The following FSCN3 variants were observed in gnomAD, a reference collection of about 807,000 sequenced individuals.
FSCN3 encodes fascin-3.
Under a neutral mutation model 53.5 loss-of-function variants are expected in FSCN3, and 43 were observed. That is an observed-to-expected ratio of 0.80 (90% CI 0.63 to 1.04). FSCN3 has a LOEUF of 1.04. FSCN3 is among the 50% of genes least tolerant of loss of function. The probability of loss-of-function intolerance (pLI) is 0.00; values close to 1 mark genes in which losing one functional copy is unlikely to be tolerated. For synonymous variants in FSCN3, 235 were observed against 246.6 expected (o/e 0.95, Z 0.44); for missense variants, 594 against 646.5 (o/e 0.92, Z 0.88).
At chr7:127,594,069 C>CGTGTGTGTGCGTGAGTGT (rs1794337857) in intron 1 of FSCN3, 72 bp downstream of exon 1, 1 of 1,436,566 alleles carries the variant, frequency 7.0e-7, no homozygotes, top group Non-Finnish European at 9.5e-7. Flanking sequence ...TGCGCGCGCG[C>CGTGTGTGTGCGTGAGTGT]GTGTGTGTGC....
chr7:127,596,261 G>A, intron 2 of FSCN3, 67 bp from the exon 3 acceptor site: 1 of 1,543,826 alleles, frequency 6.5e-7, no homozygotes. Context: ...AGAAGCCCCG[G>A]TCATAAAACA....
chr7:127,598,574 T>G lies in FSCN3; in HGVS notation c.1100T>G (p.Met367Arg). 6.2e-7 allele frequency: 1 copy of G among 1,611,538 alleles called. No individual in the cohort carries two copies. The change falls in exon 4 of 7, where the codon ATG (methionine) becomes AGG (arginine). Residue 367 changes from methionine to arginine, a missense_variant. By Grantham distance (91) the Met-to-Arg change is moderately conservative. Coordinates refer to ENST00000265825, the MANE Select transcript of FSCN3 (RefSeq NM_020369.3). ...GGCATTGCACCCAACAGCCTGCTGA[T>G]GGCCAATGTCATCCTTCCAGGTGAG... ...FLGIAPNSLL[M>R]ANVILPGPNE...
In FSCN3 at chr7:127,595,901, G is replaced by T; in HGVS notation, c.739G>T (p.Gly247Cys). The change falls in exon 2 of 7, where the codon GGC becomes TGC. Residue 247 changes from glycine to cysteine, a missense_variant. By Grantham distance (159) the Gly-to-Cys change is radical. Coordinates refer to ENST00000265825, the MANE Select transcript of FSCN3 (RefSeq NM_020369.3). ...GGGCACGCATCTGCTCTTGGGCATG[G>T]GCTGCAACCCCATGAGGGGTGAGGA... ...PQGTHLLLGMGCNPMRGEEWF... is the reference protein window; with the variant it reads ...PQGTHLLLGMCCNPMRGEEWF... The T allele has an allele frequency of 6.2e-7, 1 of 1,613,140 alleles. No individual in the cohort carries two copies. The highest frequency in any genetic ancestry group is 8.5e-7 in the Non-Finnish European group (1 of 1,179,492).
intron 3 of FSCN3, among the ~76,000 whole-genome samples, chr7:127,597,268 A>T (rs1456931483): frequency 6.6e-6 from 1 of 152,190 alleles, no homozygotes; most frequent in Non-Finnish European, 1.5e-5. Flanking sequence ...TGTATAATAG[A>T]TATGTGCTTA....
At chr7:127,596,232 A>G in intron 2 of FSCN3, 96 bp from the exon 3 acceptor site, 1 of 1,535,000 alleles carries the variant, frequency 6.5e-7, no homozygotes, top group Non-Finnish European at 8.8e-7. Context: ...AAAGTGATGA[A>G]GTTTGAGGAG....
intron 3 of FSCN3, among the ~76,000 whole-genome samples, chr7:127,597,343 A>G (rs1401031465): frequency 3.9e-5 from 6 of 152,192 alleles, no homozygotes; most frequent in African/African-American, 7.2e-5. Flanking sequence ...TCAATAACGT[A>G]TGAGGGTTCT....
Position 127,595,903 on chromosome 7 carries a change from C to G in FSCN3, c.741C>G (p.Gly247=). ...GCACGCATCTGCTCTTGGGCATGGG[C>G]TGCAACCCCATGAGGGGTGAGGAGT... is the stretch of plus-strand genomic sequence containing the variant. ...PQGTHLLLGM[G]CNPMRGEEWF... is the part of the protein sequence containing the mutation. Residue 247 remains glycine, a synonymous_variant, in exon 2 of 7, where the codon GGC becomes GGG. Coordinates refer to ENST00000265825, the MANE Select transcript of FSCN3 (RefSeq NM_020369.3). The G allele has an allele frequency of 6.2e-7, 1 of 1,612,980 alleles. No individual in the cohort carries two copies. Among genetic ancestry groups the G allele is most frequent in the Non-Finnish European group, 8.5e-7 (1 of 1,179,380 alleles).
In FSCN3 at chr7:127,595,571, A is replaced by AC. The variant is rs750024016; in HGVS notation, c.415dup (p.Arg139ProfsTer22). 4 of 1,613,148 alleles carry AC rather than the reference A, an allele frequency of 2.5e-6. No individual in the cohort carries two copies. Among genetic ancestry groups the AC allele is most frequent in the South Asian group, 1.1e-5 (1 of 91,026 alleles). ...CGTCCTCTCAGCTTACCACATGTGG[A>AC]CCCCCCGACCAGCCCTCCATGTCCA... is the stretch of plus-strand genomic sequence containing the variant. On this transcript the variant is annotated frameshift_variant, in exon 2 of 7. Coordinates refer to ENST00000265825, the MANE Select transcript of FSCN3 (RefSeq NM_020369.3). LOFTEE classifies it high-confidence loss of function.
chr7:127,598,396 G>A, intron 3 of FSCN3, 39 bp from the exon 4 acceptor site: 1 of 1,591,928 alleles, frequency 6.3e-7, no homozygotes, highest in Non-Finnish European at 8.6e-7. Context: ...GAGATTGTCA[G>A]TCCTTACTCC....
intron 5 of FSCN3, 86 bp from the exon 6 acceptor site, chr7:127,600,108 C>A: frequency 1.3e-6 from 1 of 752,038 alleles, no homozygotes; most frequent in Non-Finnish European, 2.4e-6. Flanking sequence ...GGGAGGGTGG[C>A]ATGCCTCCAC....
Position 127,593,768 on chromosome 7 carries a change from C to T in FSCN3, c.-86C>T, listed in dbSNP as rs1794330609. On this transcript the variant is annotated 5_prime_UTR_variant, in exon 1 of 7. Transcript: ENST00000265825. ...GGAACATCTGGTGGGTACTACAGGCCCTATTCCAGGCCCTATGGCCTGTGG... is the reference window on the plus strand; with the variant it reads ...GGAACATCTGGTGGGTACTACAGGCTCTATTCCAGGCCCTATGGCCTGTGG... The T allele has an allele frequency of 5.5e-6, 8 of 1,457,132 alleles. No homozygotes were observed. In the South Asian group the frequency reaches 1.0e-4, roughly 19 times the overall value. 90.3% of individuals were successfully genotyped at this position (1,457,132 alleles called of 1,614,324 possible). A position where few individuals can be genotyped will look rare whatever the true frequency, so the allele number is the denominator to read the frequency against.
At position 127,600,363 on chromosome 7, in the gene FSCN3, T is replaced by C. The variant is rs765253862; in HGVS notation, c.1461T>C (p.Ser487=). The C allele has an allele frequency of 6.2e-7, 1 of 1,612,674 alleles. No individual in the cohort carries two copies. The highest frequency in any genetic ancestry group is 8.5e-7 in the Non-Finnish European group (1 of 1,178,724). ...AAAGTGGCACCCTGTTGGCAGACAG[T>C]GAAGACATTACCAGAGAGTGTATCT... The part of the protein sequence containing the change: ...ADQSGTLLAD[S]EDITRECIWE... Residue 487 remains serine, a synonymous_variant, in exon 6 of 7, where the codon AGT becomes AGC. Coordinates refer to ENST00000265825, the MANE Select transcript of FSCN3 (RefSeq NM_020369.3).
intron 5 of FSCN3, among the ~76,000 whole-genome samples, chr7:127,599,773 G>A (rs569713294): frequency 1.1e-4 from 16 of 151,982 alleles, no homozygotes; most frequent in African/African-American, 2.7e-4. Context: ...GTGAAACCCC[G>A]TCTCTACTAA....
rs1794455821 is a variant in FSCN3, at chr7:127,600,399, G to A, written c.1497G>A (p.Ter499=). 1.1e-5 allele frequency: 18 copies of A among 1,580,262 alleles called. No homozygotes were observed. The East Asian group carries it at 3.8e-4, about 33-fold the overall frequency. The change falls in exon 6 of 7, where the codon TAG becomes TAA. Residue 499 remains the stop codon, a splice_region_variant and stop_retained_variant. Transcript: ENST00000265825. ...CCAGAGAGTGTATCTGGGAATTTTA[G>A]GTAAGGGAGAGGAACAGGTAAGGGG... ...DITRECIWEF[*]
intron 4 of FSCN3, 21 bp downstream of exon 4, chr7:127,598,615 G>A: frequency 6.3e-7 from 1 of 1,576,740 alleles, no homozygotes; most frequent in East Asian, 2.3e-5. Context: ...CAGCCTTCCT[G>A]CCAGATGATT....
Position 127,595,618 on chromosome 7 carries a change from C to G in FSCN3, c.456C>G (p.Ile152Met). Reference sequence around the variant, plus strand: ...TCCACGTGATCCTCTACAGCCCCATCCACCGCTGCTATGCCCGGGCTGACC... The same window carrying G: ...TCCACGTGATCCTCTACAGCCCCATGCACCGCTGCTATGCCCGGGCTGACC... ...LHVHVILYSP[I>M]HRCYARADPT... is the part of the protein sequence containing the mutation. Residue 152 changes from isoleucine to methionine, a missense_variant, in exon 2 of 7, where the codon ATC becomes ATG. Ile to Met is a conservative substitution (Grantham distance 10, BLOSUM62 1). Transcript: ENST00000265825. 1 of 1,614,086 alleles carries G rather than the reference C, an allele frequency of 6.2e-7. No homozygotes were observed. Among genetic ancestry groups the G allele is most frequent in the South Asian group, 1.1e-5 (1 of 91,074 alleles).
Position 127,600,390 on chromosome 7 carries a change from G to A in FSCN3, c.1488G>A (p.Trp496Ter). Reference protein sequence around the residue: ...DSEDITRECIWEF With the variant: ...DSEDITRECI ...AAGACATTACCAGAGAGTGTATCTG[G>A]GAATTTTAGGTAAGGGAGAGGAACA... Residue 496 changes from tryptophan (W) to a stop codon, truncating the protein, a stop_gained, in exon 6 of 7, where the codon TGG becomes TGA. Transcript: ENST00000265825. LOFTEE classifies it high-confidence loss of function. The A allele has an allele frequency of 6.3e-7, 1 of 1,599,180 alleles. No homozygotes were observed. Among genetic ancestry groups the A allele is most frequent in the Non-Finnish European group, 8.6e-7 (1 of 1,166,402 alleles).
chr7:127,594,773 T>C lies in FSCN3; in HGVS notation c.145-534T>C, dbSNP rs762594355. 1.8e-4 allele frequency: 85 copies of C among 471,284 alleles called. 1 individual carries two copies. Among genetic ancestry groups the C allele is most frequent in the South Asian group, 1.0e-3 (66 of 64,584 alleles). 29.2% of individuals were successfully genotyped at this position (471,284 alleles called of 1,614,324 possible). A position where few individuals can be genotyped will look rare whatever the true frequency, so the allele number is the denominator to read the frequency against. ...GGCAGGGGCAAAGTTCTTCCTCTTA[T>C]AACAAGGTTGATCACAGCTGAACCA... On this transcript the variant is annotated intron_variant, in intron 1 of 6. Transcript: ENST00000265825.
rs368223947 is a variant in FSCN3, at chr7:127,594,248, C to CTGTGTGTGTG, written c.144+274_144+283dup. ...GGAACCAGTTTTCTGAGTGGCCAAG[C>CTGTGTGTGTG]TGTGTGTGTGTGTGTGTGTGTGTGT... On this transcript the variant is annotated intron_variant, in intron 1 of 6. Transcript: ENST00000265825. Among the ~76,000 whole-genome samples the CTGTGTGTGTG allele has an allele frequency of 2.5e-3, 243 of 99,004 alleles. 4 individuals carry two copies. Among genetic ancestry groups the CTGTGTGTGTG allele is most frequent in the Middle Eastern group, 4.7e-3 (1 of 212 alleles). The allele number at this position is 99,004 out of a possible 152,430, so 65.0% of individuals were successfully genotyped here.
Sources: gnomAD v4.1 joint callset for allele counts (sites outside exome capture counted in the v4.1 genomes callset) on GRCh38, gnomAD v4.1.1 for gene constraint, MANE v1.5 for transcripts, NCBI Gene and HGNC (gene_info 2026-07-23, HGNC 2026-07-21) for gene names.